Variants in IP6K2 observed in about 807,000 individuals in gnomAD.
IP6K2 encodes inositol hexakisphosphate kinase 2, also known as ATP:1D-myo-inositol-hexakisphosphate phosphotransferase.
IP6K2 carries 9 observed loss-of-function variants against 43.3 expected under a neutral mutation model. The ratio of observed to expected loss-of-function variants is 0.21; its 90% CI spans 0.13 to 0.36. The LOEUF is 0.36. IP6K2 is among the 10% of genes least tolerant of loss of function. The pLI is 1.00. For synonymous variants in IP6K2, 209 were observed against 202.4 expected (o/e 1.03, Z -0.28); for missense variants, 332 against 538.4 (o/e 0.62, Z 3.79).
chr3:48,695,729 T>C lies in IP6K2; in HGVS notation c.-130-308A>G, dbSNP rs2078266345. ...AAACTGATGCCATGGTGAGGTGAAATCACAATTTCAAGCCTAATATTTGGA... is the reference window on the plus strand; with the variant it reads ...AAACTGATGCCATGGTGAGGTGAAACCACAATTTCAAGCCTAATATTTGGA... On this transcript the variant is annotated intron_variant, in intron 1 of 5. Coordinates refer to ENST00000328631, the MANE Select transcript of IP6K2 (RefSeq NM_016291.4). The surrounding 1 kb of genome is among the most constrained non-coding windows in gnomAD (Gnocchi z 4.6). The C allele has an allele frequency of 7.2e-6, 2 of 277,614 alleles. No individual in the cohort carries two copies. The highest frequency in any genetic ancestry group is 1.1e-4 in the Admixed American group (2 of 18,924). The allele number at this position is 277,614 out of a possible 1,614,324, so 17.2% of individuals were successfully genotyped here. A position where few individuals can be genotyped will look rare whatever the true frequency, so the allele number is the denominator to read the frequency against.
chr3:48,709,564 C>T (rs1432175487), intron 1 of IP6K2, among the ~76,000 whole-genome samples: 1 of 152,056 alleles, frequency 6.6e-6, no homozygotes, highest in African/African-American at 2.4e-5. Flanking sequence ...TCAGGCTGGG[C>T]GCGGTGGCTC....
At chr3:48,691,747 T>A (rs2077805897) in intron 3 of IP6K2, among the ~76,000 whole-genome samples, 1 of 151,816 alleles carries the variant, frequency 6.6e-6, no homozygotes, top group African/African-American at 2.4e-5. Context: ...GCAGTGAGCC[T>A]AGAAGATCGT....
intron 1 of IP6K2, among the ~76,000 whole-genome samples, chr3:48,709,635 G>A (rs549690596): frequency 1.4e-3 from 213 of 152,260 alleles, no homozygotes; most frequent in Middle Eastern, 3.4e-3. Flanking sequence ...TCAGGAGATC[G>A]AGACCATCCT....
chr3:48,691,596 A>G (rs1476970149), intron 3 of IP6K2, 114 bp from the exon 4 acceptor site: 1 of 689,356 alleles, frequency 1.5e-6, no homozygotes, highest in East Asian at 2.8e-5. Flanking sequence ...TGGGCAGATC[A>G]CTTGAGATCA....
chr3:48,703,344 T>C (rs1397667943), intron 1 of IP6K2, among the ~76,000 whole-genome samples: 1 of 152,168 alleles, frequency 6.6e-6, no homozygotes, highest in East Asian at 1.9e-4. Context: ...ATTCAAATAT[T>C]CTGTGTTGAT....
intron 1 of IP6K2, among the ~76,000 whole-genome samples, chr3:48,712,966 T>C (rs1171573985): frequency 2.0e-5 from 3 of 152,016 alleles, no homozygotes. Context: ...TGAGCCGAGA[T>C]CGCGCCACTG....
At chr3:48,716,690 G>A (rs1423235406) in intron 1 of IP6K2, among the ~76,000 whole-genome samples, 2 of 152,150 alleles carry the variant, frequency 1.3e-5, no homozygotes, top group African/African-American at 4.8e-5. Context: ...GCCGACCCCA[G>A]GTAACAGTAC....
intron 2 of IP6K2, chr3:48,693,636 G>C: frequency 1.8e-6 from 2 of 1,120,784 alleles, no homozygotes; most frequent in South Asian, 2.3e-5. Context: ...GGGTTAAGAA[G>C]CATCCAAGAG....
chr3:48,712,199 G>C (rs944867930), intron 1 of IP6K2, among the ~76,000 whole-genome samples: 2 of 150,664 alleles, frequency 1.3e-5, no homozygotes, highest in Admixed American at 1.3e-4. Flanking sequence ...TTCAAGACCA[G>C]CCTGGGTAAA....
chr3:48,688,015 A>G lies in IP6K2; in HGVS notation c.*258T>C, dbSNP rs1575576633. On this transcript the variant is annotated 3_prime_UTR_variant, in exon 6 of 6. Coordinates refer to ENST00000328631, the MANE Select transcript of IP6K2 (RefSeq NM_016291.4). The surrounding 1 kb of genome is among the most constrained non-coding windows in gnomAD (Gnocchi z 5.1). The stretch of plus-strand genomic sequence containing the variant: ...CAGGAGCACTATATACAATAAACAA[A>G]AAGATTTGTATTAGAACATATACAC... 4.0e-6 allele frequency: 2 copies of G among 503,486 alleles called. No individual in the cohort carries two copies. Among genetic ancestry groups the G allele is most frequent in the Non-Finnish European group, 7.1e-6 (2 of 280,378 alleles). 31.2% of individuals were successfully genotyped at this position (503,486 alleles called of 1,614,324 possible). A position where few individuals can be genotyped will look rare whatever the true frequency, so the allele number is the denominator to read the frequency against.
At chr3:48,694,500 A>G (rs1443838230) in intron 2 of IP6K2, 3 of 1,545,016 alleles carry the variant, frequency 1.9e-6, no homozygotes. Flanking sequence ...CAAAGACCCC[A>G]CCATGCTGGT....
chr3:48,694,116 A>G (rs1247815756), intron 2 of IP6K2: 6 of 1,506,166 alleles, frequency 4.0e-6, no homozygotes, highest in South Asian at 2.6e-5. Context: ...GGTGGCCCCC[A>G]GCTCTGGGTG....
chr3:48,705,404 C>T (rs1474746932), intron 1 of IP6K2, among the ~76,000 whole-genome samples: 1 of 151,590 alleles, frequency 6.6e-6, no homozygotes, highest in Non-Finnish European at 1.5e-5. Flanking sequence ...TGGGGCCGGG[C>T]GCGGTGGCTC....
intron 1 of IP6K2, among the ~76,000 whole-genome samples, chr3:48,713,486 A>G (rs1575779638): frequency 6.6e-6 from 1 of 152,362 alleles, no homozygotes; most frequent in East Asian, 1.9e-4. Context: ...AACTGGGCAC[A>G]TTCTCACAAA....
At chr3:48,693,984 GCCTTAC>G in intron 2 of IP6K2, 2 of 1,373,208 alleles carry the variant, frequency 1.5e-6, no homozygotes, top group Admixed American at 3.6e-5. Context: ...GCCGACGAGC[GCCTTAC>G]AAACGACTGG....
intron 1 of IP6K2, among the ~76,000 whole-genome samples, chr3:48,714,898 T>C (rs1265525535): frequency 6.7e-6 from 1 of 148,856 alleles, no homozygotes; most frequent in Non-Finnish European, 1.5e-5. Flanking sequence ...AGGCACAGTG[T>C]AGATGAAACA....
At chr3:48,709,791 C>T (rs1439583444) in intron 1 of IP6K2, among the ~76,000 whole-genome samples, 5 of 150,650 alleles carry the variant, frequency 3.3e-5, no homozygotes, top group East Asian at 2.0e-4. Flanking sequence ...GAGCCGAGAT[C>T]GCACCACTGC....
In IP6K2 at chr3:48,693,062, T is replaced by G; in HGVS notation, c.320A>C (p.Lys107Thr). 6.2e-7 allele frequency: 1 copy of G among 1,614,246 alleles called. No homozygotes were observed. Among genetic ancestry groups the G allele is most frequent in the Non-Finnish European group, 8.5e-7 (1 of 1,180,032 alleles). The change falls in exon 3 of 6, where the codon AAA becomes ACA. Residue 107 changes from lysine (K) to threonine (T), a missense_variant. Coordinates refer to ENST00000328631, the MANE Select transcript of IP6K2 (RefSeq NM_016291.4). ...DIVDNSDCEP[K>T]SKLLRWTTNK... ...TGTTGTCCACCTTAGGAGCTTACTT[T>G]TTGGTTCACAGTCTGAATTATCTAC...
At chr3:48,716,852 G>A (rs2081251428) in intron 1 of IP6K2, among the ~76,000 whole-genome samples, 1 of 152,024 alleles carries the variant, frequency 6.6e-6, no homozygotes, top group Admixed American at 6.6e-5. Context: ...AGATCTCAAT[G>A]ACCAGGAAAG....
Sources: allele counts gnomAD v4.1 joint callset (sites outside exome capture counted in the v4.1 genomes callset), GRCh38; gene constraint gnomAD v4.1.1; non-coding constraint Gnocchi (gnomAD v3.1); transcripts MANE v1.5; gene names NCBI Gene and HGNC (gene_info 2026-07-23, HGNC 2026-07-21).